The following AP3S1 variants were observed in gnomAD, a reference collection of about 807,000 sequenced individuals.
AP3S1 encodes AP-3 complex subunit sigma-1.
AP3S1 carries 12 observed loss-of-function variants against 21.3 expected under a neutral mutation model. That is an observed-to-expected ratio of 0.56 (90% CI 0.36 to 0.91). AP3S1 has a LOEUF of 0.91. Among genes scored for constraint, AP3S1 ranks in the 40% least tolerant of loss-of-function variants. AP3S1 has a pLI of 0.01. For missense variants in AP3S1, 116 were observed against 225.0 expected, an observed-to-expected ratio of 0.52 and a Z score of 3.10; for synonymous variants, 48 against 78.4, an observed-to-expected ratio of 0.61 and a Z score of 2.05.
Position 115,842,051 on chromosome 5 carries a change from T to G in AP3S1, c.14T>G (p.Ile5Ser). MIKA[I>S]LIFNNHGKPR... ...CCCGGCACAGCCATGATCAAGGCGATCCTAATCTTCAACAACCACGGGAAG... is the reference window on the plus strand; with the variant it reads ...CCCGGCACAGCCATGATCAAGGCGAGCCTAATCTTCAACAACCACGGGAAG... The change falls in exon 1 of 6, where the codon ATC (isoleucine) becomes AGC (serine). Residue 5 changes from isoleucine to serine, a missense_variant. This residue lies in a region of AP3S1 where 50 missense variants were observed against 55.5 expected (regional missense o/e 0.90). Transcript: ENST00000316788. 3.1e-6 allele frequency: 5 copies of G among 1,592,292 alleles called. No individual in the cohort carries two copies. The highest frequency in any genetic ancestry group is 4.3e-6 in the Non-Finnish European group (5 of 1,170,204).
chr5:115,909,040 T>A (rs1262629348), intron 5 of AP3S1: 1 of 949,370 alleles, frequency 1.1e-6, no homozygotes, highest in African/African-American at 1.8e-5. Context: ...AAGGTTTTAA[T>A]ACGTACAGTT....
intron 5 of AP3S1, among the ~76,000 whole-genome samples, chr5:115,906,061 C>T (rs6880372): frequency 6.6e-6 from 1 of 151,966 alleles, no homozygotes; most frequent in Non-Finnish European, 1.5e-5. Flanking sequence ...TGGAGCCTGA[C>T]GCGCAAGAAT....
chr5:115,871,863 A>G (rs1311972007), intron 3 of AP3S1, among the ~76,000 whole-genome samples: 1 of 152,142 alleles, frequency 6.6e-6, no homozygotes, highest in Non-Finnish European at 1.5e-5. Context: ...CACTTCTAGC[A>G]CCTTGCTTCC....
intron 1 of AP3S1, among the ~76,000 whole-genome samples, chr5:115,851,826 T>TA (rs897679474): frequency 2.6e-5 from 4 of 152,260 alleles, no homozygotes; most frequent in Non-Finnish European, 5.9e-5. Flanking sequence ...AGATTTAACT[T>TA]ACGTTTTTGT....
intron 1 of AP3S1, among the ~76,000 whole-genome samples, chr5:115,863,374 C>A (rs902020681): frequency 6.7e-6 from 1 of 150,030 alleles, no homozygotes; most frequent in Non-Finnish European, 1.5e-5. Flanking sequence ...CCAGCCTGGG[C>A]AACAGAGCAA....
chr5:115,842,241 A>G (rs1761638625), intron 1 of AP3S1, 135 bp downstream of exon 1: 5 of 1,331,390 alleles, frequency 3.8e-6, no homozygotes, highest in Non-Finnish European at 5.0e-6. Flanking sequence ...GGCGCTCGCC[A>G]GCTGTCAGCC....
At chr5:115,845,967 G>A (rs1342812782) in intron 1 of AP3S1, among the ~76,000 whole-genome samples, 1 of 141,758 alleles carries the variant, frequency 7.1e-6, no homozygotes, top group East Asian at 2.2e-4. Context: ...TGCTTGGTTT[G>A]TCTTTTTAAG....
At chr5:115,897,446 G>A (rs1750847123) in intron 4 of AP3S1, among the ~76,000 whole-genome samples, 1 of 151,988 alleles carries the variant, frequency 6.6e-6, no homozygotes, top group Non-Finnish European at 1.5e-5. Context: ...TTTGCTTTCA[G>A]CCCTTTGATG....
intron 5 of AP3S1, among the ~76,000 whole-genome samples, chr5:115,909,157 TTACTC>T (rs1407913745): frequency 1.3e-5 from 2 of 152,158 alleles, no homozygotes; most frequent in African/African-American, 4.8e-5. Context: ...AATAACAAGA[TTACTC>T]TATTACTTTC....
Position 115,911,487 on chromosome 5 carries a change from G to A in AP3S1, c.454-1875G>A, listed in dbSNP as rs139726959. ...TTATGGAAATTCCTAAGTAAAAATA[G>A]TGGCAAATTGGTCTTTTAACTAGAA... On this transcript the variant is annotated intron_variant, in intron 5 of 5. Coordinates refer to ENST00000316788, the MANE Select transcript of AP3S1 (RefSeq NM_001284.4). Among the ~76,000 whole-genome samples the A allele has an allele frequency of 6.0e-3, 910 of 152,020 alleles. 11 individuals are homozygous for A. Among genetic ancestry groups the A allele is most frequent in the African/African-American group, 0.021 (868 of 41,510 alleles).
At chr5:115,886,962 G>A (rs181074509) in intron 3 of AP3S1, among the ~76,000 whole-genome samples, 178 of 152,282 alleles carry the variant, frequency 1.2e-3, no homozygotes, top group Admixed American at 2.3e-3. Context: ...TGGCATGTGA[G>A]TGTCCAAGTG....
At chr5:115,896,915 G>A (rs1292558743) in intron 4 of AP3S1, among the ~76,000 whole-genome samples, 1 of 152,182 alleles carries the variant, frequency 6.6e-6, no homozygotes, top group Non-Finnish European at 1.5e-5. Flanking sequence ...GGACTCTCTT[G>A]TGAAATGTGA....
rs116149376 is a variant in AP3S1, at chr5:115,888,098, A to G, written c.274-6989A>G. ...CAGCTTTTGAATTCCTTGAGGACAG[A>G]GTTTAGGTCTTTGGTTTTATATCCC... On this transcript the variant is annotated intron_variant, in intron 3 of 5. Coordinates refer to ENST00000316788, the MANE Select transcript of AP3S1 (RefSeq NM_001284.4). 6.1e-3 allele frequency among the ~76,000 whole-genome samples: 932 copies of G among 152,136 alleles called. 9 individuals carry two copies. Among genetic ancestry groups the G allele is most frequent in the African/African-American group, 0.021 (890 of 41,524 alleles).
chr5:115,864,086 G>T (rs941087718), intron 1 of AP3S1, among the ~76,000 whole-genome samples: 3 of 152,184 alleles, frequency 2.0e-5, no homozygotes, highest in Non-Finnish European at 4.4e-5. Context: ...GAAGGGATAG[G>T]CTAACTCTAC....
intron 5 of AP3S1, among the ~76,000 whole-genome samples, chr5:115,910,714 A>T (rs1027257569): frequency 2.6e-5 from 4 of 152,086 alleles, no homozygotes; most frequent in African/African-American, 4.8e-5. Context: ...TTAGCCCTAA[A>T]TTTTTATATA....
intron 3 of AP3S1, among the ~76,000 whole-genome samples, chr5:115,879,890 T>C (rs554279755): frequency 6.6e-6 from 1 of 152,194 alleles, no homozygotes; most frequent in Non-Finnish European, 1.5e-5. Flanking sequence ...GAACTTGTTA[T>C]TGGTCTGGTT....
intron 1 of AP3S1, 101 bp from the exon 2 acceptor site, chr5:115,866,569 G>T (rs1763636621): frequency 2.9e-6 from 2 of 689,996 alleles, no homozygotes; most frequent in South Asian, 4.7e-5. Context: ...CTCTTAGATG[G>T]ATTTCCCAGA....
intron 4 of AP3S1, among the ~76,000 whole-genome samples, 190 bp from the exon 5 acceptor site, chr5:115,902,695 T>C (rs1751315457): frequency 6.6e-6 from 1 of 152,168 alleles, no homozygotes; most frequent in Non-Finnish European, 1.5e-5. Flanking sequence ...AAGCTCAGAC[T>C]TAAGGAGGTT....
At chr5:115,909,804 A>G (rs747287248) in intron 5 of AP3S1, among the ~76,000 whole-genome samples, 5 of 152,164 alleles carry the variant, frequency 3.3e-5, no homozygotes, top group African/African-American at 4.8e-5. Context: ...GTACATTCCA[A>G]AACCCCCAGT....
Sources: allele counts gnomAD v4.1 joint callset (sites outside exome capture counted in the v4.1 genomes callset), GRCh38; gene constraint gnomAD v4.1.1; regional missense constraint gnomAD v4.1.1; transcripts MANE v1.5; gene names NCBI Gene and HGNC (gene_info 2026-07-23, HGNC 2026-07-21).